The following FDFT1 variants were observed in gnomAD, a reference collection of about 807,000 sequenced individuals.
The protein encoded by FDFT1 is squalene synthase.
A neutral mutation model predicts 46.8 loss-of-function variants in FDFT1; 68 were observed. That is an observed-to-expected ratio of 1.45 (90% CI 1.19 to 1.78). The LOEUF is 1.78. FDFT1 is among the 40% of genes most tolerant of loss of function. The pLI, the probability that FDFT1 is intolerant of heterozygous loss-of-function variation, is 0.00. For synonymous variants in FDFT1, 351 were observed against 185.1 expected, an observed-to-expected ratio of 1.90 and a Z score of -7.28; for missense variants, 928 against 524.4, an observed-to-expected ratio of 1.77 and a Z score of -7.52.
At chr8:11,816,175 T>C (rs956277489) in intron 3 of FDFT1, among the ~76,000 whole-genome samples, 9 of 152,206 alleles carry the variant, frequency 5.9e-5, no homozygotes, top group Non-Finnish European at 1.0e-4. Flanking sequence ...ATCAGATGGC[T>C]GTAGATGTGT....
At chr8:11,805,244 T>C (rs1806683014) in intron 1 of FDFT1, among the ~76,000 whole-genome samples, 3 of 152,074 alleles carry the variant, frequency 2.0e-5, no homozygotes, top group African/African-American at 4.8e-5. Flanking sequence ...AGGGAAAAAA[T>C]TTACGCTTAG....
chr8:11,823,684 C>T (rs934335013), intron 4 of FDFT1, among the ~76,000 whole-genome samples: 1 of 152,086 alleles, frequency 6.6e-6, no homozygotes, highest in Non-Finnish European at 1.5e-5. Context: ...CTTCCTTGCC[C>T]TCAGCCTCCT....
upstream of FDFT1, chr8:11,801,990 G>T: frequency 2.2e-6 from 1 of 455,946 alleles, no homozygotes; most frequent in Admixed American, 2.3e-5. Flanking sequence ...CGCCTGGACG[G>T]GTAGCCAGTA....
chr8:11,818,351 G>C (rs1438355637), intron 3 of FDFT1, among the ~76,000 whole-genome samples: 1 of 152,214 alleles, frequency 6.6e-6, no homozygotes, highest in African/African-American at 2.4e-5. Context: ...ATTTGGGGTG[G>C]AGAGTTCTGT....
upstream of FDFT1, among the ~76,000 whole-genome samples, chr8:11,800,718 G>C (rs1199630129): frequency 5.3e-5 from 8 of 152,212 alleles, no homozygotes; most frequent in Non-Finnish European, 1.0e-4. Context: ...ATAGCTAGCA[G>C]ATATTTAAGA....
intron 4 of FDFT1, among the ~76,000 whole-genome samples, chr8:11,824,730 C>G (rs1297558006): frequency 6.6e-6 from 1 of 152,070 alleles, no homozygotes; most frequent in Non-Finnish European, 1.5e-5. Flanking sequence ...GTGCAGAGTT[C>G]TTTTTTTCTG....
intron 1 of FDFT1, among the ~76,000 whole-genome samples, chr8:11,804,600 CTTTTT>C (rs5889385): frequency 4.9e-4 from 48 of 97,352 alleles, no homozygotes; most frequent in Non-Finnish European, 4.6e-4. Context: ...CTTAGTTTCT[CTTTTT>C]TTTTTTTTTT....
At chr8:11,799,655 T>C (rs1805902900), upstream of FDFT1, among the ~76,000 whole-genome samples, 1 of 152,204 alleles carries the variant, frequency 6.6e-6, no homozygotes, top group African/African-American at 2.4e-5. Context: ...TGGAAAGAAA[T>C]AGCACTTGTA....
At chr8:11,802,160 C>G, upstream of FDFT1, 1 of 449,476 alleles carries the variant, frequency 2.2e-6, no homozygotes, top group Middle Eastern at 6.8e-4. Context: ...CTCCCTGGGG[C>G]TGGATGGCGG....
chr8:11,825,042 C>T (rs1478791065), intron 4 of FDFT1, among the ~76,000 whole-genome samples: 1 of 152,128 alleles, frequency 6.6e-6, no homozygotes, highest in Non-Finnish European at 1.5e-5. Flanking sequence ...GCTGAATGTG[C>T]AGAGTTCTTA....
intron 4 of FDFT1, among the ~76,000 whole-genome samples, chr8:11,824,284 AGAG>A (rs1247210985): frequency 1.3e-5 from 2 of 152,198 alleles, no homozygotes; most frequent in African/African-American, 2.4e-5. Flanking sequence ...TACCCTTTTC[AGAG>A]GAGGACAGCT....
chr8:11,808,729 CCCA>C (rs1354036372), intron 1 of FDFT1, 62 bp from the exon 2 acceptor site: 25 of 1,574,482 alleles, frequency 1.6e-5, no homozygotes, highest in Admixed American at 7.3e-5. Context: ...CACTCCCACT[CCCA>C]CTCCCACTCC....
intron 3 of FDFT1, among the ~76,000 whole-genome samples, chr8:11,816,728 A>C (rs1382897331): frequency 6.6e-6 from 1 of 152,180 alleles, no homozygotes; most frequent in East Asian, 1.9e-4. Flanking sequence ...TTGTATCCTG[A>C]GACTTTGCTG....
chr8:11,829,648 T>G (rs1459204422), intron 5 of FDFT1, among the ~76,000 whole-genome samples: 1 of 152,178 alleles, frequency 6.6e-6, no homozygotes, highest in Non-Finnish European at 1.5e-5. Context: ...TAGCCTGAAT[T>G]CGTCCAAGTA....
chr8:11,821,617 T>C, intron 3 of FDFT1, 133 bp from the exon 4 acceptor site: 1 of 1,063,978 alleles, frequency 9.4e-7, no homozygotes, highest in Non-Finnish European at 1.4e-6. Flanking sequence ...ACAAAAAAAA[T>C]GTGTGACCTA....
At chr8:11,826,452 C>A (rs577704221) in intron 5 of FDFT1, among the ~76,000 whole-genome samples, 1 of 152,180 alleles carries the variant, frequency 6.6e-6, no homozygotes, top group Non-Finnish European at 1.5e-5. Flanking sequence ...TTCTTTCAGA[C>A]GGTCTTTCTC....
At chr8:11,827,519 A>C (rs991375006) in intron 5 of FDFT1, among the ~76,000 whole-genome samples, 1 of 146,744 alleles carries the variant, frequency 6.8e-6, no homozygotes, top group Admixed American at 6.8e-5. Flanking sequence ...CTGTCTCAAG[A>C]AAAAAAAAAA....
chr8:11,805,720 A>G (rs1057068341), intron 1 of FDFT1, among the ~76,000 whole-genome samples: 1 of 152,222 alleles, frequency 6.6e-6, no homozygotes, highest in Non-Finnish European at 1.5e-5. Context: ...GGCTTCATTC[A>G]TCCCACTTAG....
chr8:11,800,266 A>C (rs1217034148), upstream of FDFT1, among the ~76,000 whole-genome samples: 1 of 59,128 alleles, frequency 1.7e-5, no homozygotes, highest in African/African-American at 6.3e-5. Context: ...GTCTCAAAAA[A>C]AAAAAAAAAA....
Sources: gnomAD v4.1 joint callset for allele counts (sites outside exome capture counted in the v4.1 genomes callset) on GRCh38, gnomAD v4.1.1 for gene constraint, MANE v1.5 for transcripts, NCBI Gene and HGNC (gene_info 2026-07-23, HGNC 2026-07-21) for gene names.